DLGAP1: variants seen among roughly 807,000 people sequenced by gnomAD.
DLGAP1 encodes the protein disks large-associated protein 1.
DLGAP1 carries 11 observed loss-of-function variants against 90.8 expected under a neutral mutation model. That is an observed-to-expected ratio of 0.12 (90% CI 0.08 to 0.20). DLGAP1 has a LOEUF of 0.20. Among genes scored for constraint, DLGAP1 ranks in the 10% least tolerant of loss-of-function variants. The probability of loss-of-function intolerance (pLI) is 1.00; values close to 1 mark genes in which losing one functional copy is unlikely to be tolerated. For synonymous variants in DLGAP1, 558 were observed against 540.7 expected (o/e 1.03, Z -0.44); for missense variants, 1,050 against 1,333.8 (o/e 0.79, Z 3.31).
chr18:4,310,308 G>C (rs2080366972), intron 1 of DLGAP1, among the ~76,000 whole-genome samples: 1 of 152,016 alleles, frequency 6.6e-6, no homozygotes, highest in Admixed American at 6.6e-5. Flanking sequence ...ACATTAGTCA[G>C]CTTGCATATG....
At chr18:3,674,560 C>G (rs978818435) in intron 7 of DLGAP1, among the ~76,000 whole-genome samples, 1 of 151,958 alleles carries the variant, frequency 6.6e-6, no homozygotes, top group Admixed American at 6.6e-5. Flanking sequence ...TTCAAGGCTG[C>G]AGCTAGCCAT....
chr18:4,334,351 T>A (rs1047214808), intron 1 of DLGAP1, among the ~76,000 whole-genome samples: 1 of 151,862 alleles, frequency 6.6e-6, no homozygotes, highest in African/African-American at 2.4e-5. Flanking sequence ...TACTTTAGTG[T>A]CATTTGCATA....
intron 7 of DLGAP1, among the ~76,000 whole-genome samples, chr18:3,645,530 TTCTG>T (rs1178838904): frequency 6.6e-6 from 1 of 152,168 alleles, no homozygotes; most frequent in African/African-American, 2.4e-5. Flanking sequence ...TTTTTCATCC[TTCTG>T]TCTGTGTGCA....
At chr18:3,676,048 AGCC>A (rs538805972) in intron 7 of DLGAP1, among the ~76,000 whole-genome samples, 2 of 152,238 alleles carry the variant, frequency 1.3e-5, no homozygotes, top group Admixed American at 6.5e-5. Flanking sequence ...AATGAAAAGC[AGCC>A]CCAAACTATT....
At chr18:4,272,150 T>C (rs1177525800) in intron 1 of DLGAP1, among the ~76,000 whole-genome samples, 1 of 152,224 alleles carries the variant, frequency 6.6e-6, no homozygotes, top group African/African-American at 2.4e-5. Flanking sequence ...AATGGTGTAT[T>C]GCGTAAGAAA....
chr18:3,732,489 A>G (rs767189305), intron 6 of DLGAP1, among the ~76,000 whole-genome samples: 2 of 152,162 alleles, frequency 1.3e-5, no homozygotes, highest in African/African-American at 2.4e-5. Context: ...TAAATGCTTG[A>G]TTTGTCTTCT....
intron 3 of DLGAP1, among the ~76,000 whole-genome samples, chr18:3,883,455 G>A (rs538467999): frequency 3.4e-4 from 52 of 152,244 alleles, no homozygotes; most frequent in African/African-American, 1.2e-3. Flanking sequence ...GACCATTCAG[G>A]AATAATGATG....
intron 2 of DLGAP1, among the ~76,000 whole-genome samples, chr18:4,010,502 C>T (rs975359093): frequency 2.6e-5 from 4 of 152,070 alleles, no homozygotes; most frequent in Non-Finnish European, 4.4e-5. Flanking sequence ...GAGCCATGAT[C>T]GCGTCACTGC....
intron 4 of DLGAP1, among the ~76,000 whole-genome samples, chr18:3,839,856 T>C (rs928589572): frequency 4.5e-4 from 68 of 152,304 alleles, no homozygotes; most frequent in African/African-American, 1.6e-3. Context: ...AAACCAGCCT[T>C]TATTCTGAGC....
intron 7 of DLGAP1, chr18:3,656,293 TG>T: frequency 1.9e-6 from 1 of 514,160 alleles, no homozygotes; most frequent in Non-Finnish European, 3.4e-6. Context: ...CTAGGTCTCA[TG>T]GATGTCTTCT....
intron 3 of DLGAP1, among the ~76,000 whole-genome samples, chr18:3,911,150 G>A (rs759342253): frequency 3.3e-5 from 5 of 152,174 alleles, no homozygotes; most frequent in African/African-American, 7.2e-5. Context: ...GGACAAAAGC[G>A]TTGACTGGGC....
intron 7 of DLGAP1, among the ~76,000 whole-genome samples, chr18:3,588,566 G>T (rs2056036114): frequency 6.6e-6 from 1 of 151,938 alleles, no homozygotes; most frequent in African/African-American, 2.4e-5. Flanking sequence ...TGGATCACAA[G>T]GTCAGGAGAT....
At position 3,879,637 on chromosome 18, in the gene DLGAP1, C is replaced by T; in HGVS notation, c.432G>A (p.Ser144=). ...SPGRIRHLVH[S]VQKLFTKSHS... ...GCGACTTGGTGAAGAGCTTCTGGAC[C>T]GAGTGCACCAGGTGGCGGATGCGGC... Residue 144 remains serine (S), a synonymous_variant, in exon 4 of 13, where the codon TCG becomes TCA. Coordinates refer to ENST00000315677, the MANE Select transcript of DLGAP1 (RefSeq NM_004746.4). The surrounding 1 kb of genome is among the most constrained non-coding windows in gnomAD (Gnocchi z 6.6). 9 of 1,604,996 alleles carry T rather than the reference C, an allele frequency of 5.6e-6. No individual in the cohort carries two copies. Among genetic ancestry groups the T allele is most frequent in the Non-Finnish European group, 7.6e-6 (9 of 1,179,130 alleles).
chr18:3,586,283 C>T (rs1029549877), intron 7 of DLGAP1, among the ~76,000 whole-genome samples: 5 of 151,992 alleles, frequency 3.3e-5, no homozygotes, highest in African/African-American at 9.7e-5. Context: ...GGACATTACT[C>T]ATTATTATGA....
At chr18:3,715,837 C>T (rs534721014) in intron 7 of DLGAP1, among the ~76,000 whole-genome samples, 1 of 152,174 alleles carries the variant, frequency 6.6e-6, no homozygotes, top group African/African-American at 2.4e-5. Context: ...AGCTTTATTC[C>T]TTTGTCCTAA....
chr18:3,578,397 G>A (rs1364148540), intron 8 of DLGAP1, among the ~76,000 whole-genome samples: 5 of 148,014 alleles, frequency 3.4e-5, no homozygotes, highest in African/African-American at 1.3e-4. Flanking sequence ...TTACTCTGTC[G>A]CCAGGCTGGA....
At position 3,893,832 on chromosome 18, in the gene DLGAP1, CA is replaced by C. The variant is rs373482596; in HGVS notation, c.-72-13693del. Among the ~76,000 whole-genome samples, 145 of 152,072 alleles carry C rather than the reference CA, an allele frequency of 9.5e-4. 1 individual carries two copies. The Middle Eastern group carries it at 0.031, about 32-fold the overall frequency. Reference sequence around the variant, plus strand: ...AGGTTATACTAATTTACATTCCCACCAAAAGTGTATAGACATTTTCTCATTT... The same window carrying C: ...AGGTTATACTAATTTACATTCCCACCAAAGTGTATAGACATTTTCTCATTT... On this transcript the variant is annotated intron_variant, in intron 3 of 12. Transcript: ENST00000315677.
chr18:4,328,670 C>T (rs370310648), intron 1 of DLGAP1, among the ~76,000 whole-genome samples: 37 of 151,886 alleles, frequency 2.4e-4, no homozygotes, highest in African/African-American at 8.2e-4. Flanking sequence ...CAGTAATGTA[C>T]GTTTCCAATT....
Position 3,688,217 on chromosome 18 carries a change from CTG to C in DLGAP1, c.1591+40916_1591+40917del, listed in dbSNP as rs1484150929. 3.9e-5 allele frequency among the ~76,000 whole-genome samples: 6 copies of C among 152,118 alleles called. No homozygotes were observed. In the East Asian group the frequency reaches 1.2e-3, roughly 29 times the overall value. On this transcript the variant is annotated intron_variant, in intron 7 of 12. Transcript: ENST00000315677. Reference sequence around the variant, plus strand: ...TGAGCCACCGCACCCGGCCCAGAGACTGTTTTAAAATTTAATCACAAGATAAT... The same window carrying C: ...TGAGCCACCGCACCCGGCCCAGAGACTTTTAAAATTTAATCACAAGATAAT...
Sources: allele counts gnomAD v4.1 joint callset (sites outside exome capture counted in the v4.1 genomes callset), GRCh38; gene constraint gnomAD v4.1.1; non-coding constraint Gnocchi (gnomAD v3.1); transcripts MANE v1.5; gene names NCBI Gene and HGNC (gene_info 2026-07-23, HGNC 2026-07-21).